The following CCDC146 variants were observed in gnomAD, a reference collection of about 807,000 sequenced individuals.
CCDC146 encodes coiled-coil domain-containing protein 146.
CCDC146 carries 92 observed loss-of-function variants against 119.3 expected under a neutral mutation model. The ratio of observed to expected loss-of-function variants is 0.77; its 90% confidence interval spans 0.65 to 0.92. The LOEUF is 0.92. Ranked by LOEUF, CCDC146 falls within the 40% of genes least tolerant of loss-of-function variation. The pLI is 0.00. For missense variants in CCDC146, 1,000 were observed against 1,103.0 expected (o/e 0.91, Z 1.32); for synonymous variants, 372 against 371.8 (o/e 1.00, Z -0.01).
At chr7:77,208,109 T>C (rs1223973888) in intron 2 of CCDC146, among the ~76,000 whole-genome samples, 1 of 152,014 alleles carries the variant, frequency 6.6e-6, no homozygotes, top group African/African-American at 2.4e-5. Context: ...TTATGCAGGG[T>C]TCAGTAAGGA....
At chr7:77,136,661 G>A (rs1790864160) in intron 1 of CCDC146, among the ~76,000 whole-genome samples, 1 of 152,102 alleles carries the variant, frequency 6.6e-6, no homozygotes, top group Non-Finnish European at 1.5e-5. Flanking sequence ...ACAAAGTTCA[G>A]ATGGGTTTAC....
chr7:77,209,416 G>A (rs748101069), intron 2 of CCDC146, among the ~76,000 whole-genome samples: 28 of 152,242 alleles, frequency 1.8e-4, no homozygotes, highest in Non-Finnish European at 2.6e-4. Context: ...AAGGCCTTGG[G>A]CAGCTCCACC....
intron 1 of CCDC146, among the ~76,000 whole-genome samples, chr7:77,152,881 T>C (rs1199150833): frequency 1.3e-5 from 2 of 152,194 alleles, no homozygotes; most frequent in East Asian, 3.8e-4. Context: ...TGACATTTAT[T>C]GAGGCCAATA....
chr7:77,279,465 TAGAA>T (rs756554574), intron 13 of CCDC146, among the ~76,000 whole-genome samples: 3 of 152,140 alleles, frequency 2.0e-5, no homozygotes, highest in Non-Finnish European at 4.4e-5. Flanking sequence ...CCTGCCCAAT[TAGAA>T]AGAAAAGCAC....
rs1791303316 is a variant in CCDC146, at chr7:77,163,926, C to T, written c.-11-3732C>T. ...CCAGGCTGGAGTACAATGGCACAATCTCGGCTCACTGCAACCTCCACCTGC... is the reference window on the plus strand; with the variant it reads ...CCAGGCTGGAGTACAATGGCACAATTTCGGCTCACTGCAACCTCCACCTGC... On this transcript the variant is annotated intron_variant, in intron 1 of 18. Transcript: ENST00000285871. Among the ~76,000 whole-genome samples the T allele has an allele frequency of 4.3e-5, 6 of 139,574 alleles. No individual in the cohort carries two copies. The South Asian group carries it at 1.3e-3, about 31-fold the overall frequency. 91.6% of individuals were successfully genotyped at this position (139,574 alleles called of 152,430 possible). A position where few individuals can be genotyped will look rare whatever the true frequency, so the allele number is the denominator to read the frequency against.
At chr7:77,127,823 T>G (rs991424110) in intron 1 of CCDC146, among the ~76,000 whole-genome samples, 1 of 152,124 alleles carries the variant, frequency 6.6e-6, no homozygotes. Context: ...ATCCCTTAAC[T>G]GTGTTTATAT....
intron 2 of CCDC146, among the ~76,000 whole-genome samples, chr7:77,185,802 A>G (rs1373231834): frequency 1.3e-5 from 2 of 152,226 alleles, no homozygotes; most frequent in Non-Finnish European, 2.9e-5. Flanking sequence ...CCTTTCAGAC[A>G]GACAATTCAA....
At chr7:77,271,910 A>G (rs1273018286) in intron 9 of CCDC146, among the ~76,000 whole-genome samples, 8 of 151,986 alleles carry the variant, frequency 5.3e-5, no homozygotes, top group Admixed American at 2.6e-4. Flanking sequence ...TGTTCTCATC[A>G]TATTTTCTGT....
intron 2 of CCDC146, chr7:77,199,654 C>T: frequency 6.2e-7 from 1 of 1,614,194 alleles, no homozygotes; most frequent in Non-Finnish European, 8.5e-7. Flanking sequence ...TTCGCATTTC[C>T]CTCTGCTTTC....
At chr7:77,167,205 A>C (rs1277142242) in intron 1 of CCDC146, among the ~76,000 whole-genome samples, 1 of 152,124 alleles carries the variant, frequency 6.6e-6, no homozygotes, top group Non-Finnish European at 1.5e-5. Context: ...AAAAATAGTA[A>C]ATTACAATAC....
At chr7:77,199,027 T>G (rs1436565013) in intron 2 of CCDC146, 1 of 666,086 alleles carries the variant, frequency 1.5e-6, no homozygotes, top group African/African-American at 1.8e-5. Flanking sequence ...TGTGGTCATA[T>G]TTGAGAAGAT....
At chr7:77,252,879 T>A (rs540265980) in intron 4 of CCDC146, among the ~76,000 whole-genome samples, 2 of 152,350 alleles carry the variant, frequency 1.3e-5, no homozygotes, top group East Asian at 3.9e-4. Flanking sequence ...TCAACATGGC[T>A]GGGGAAGACA....
At chr7:77,199,808 TC>T (rs772574101) in intron 2 of CCDC146, 2 of 1,609,952 alleles carry the variant, frequency 1.2e-6, no homozygotes, top group Non-Finnish European at 1.7e-6. Context: ...ACAGTGCTGC[TC>T]ACCCCAGCAG....
rs138407849 is a variant in CCDC146, at chr7:77,223,455, A to G, written c.157-13492A>G. Among the ~76,000 whole-genome samples, 294 of 151,860 alleles carry G rather than the reference A, an allele frequency of 1.9e-3. 2 individuals carry two copies. Among genetic ancestry groups the G allele is most frequent in the African/African-American group, 6.6e-3 (271 of 41,154 alleles). On this transcript the variant is annotated intron_variant, in intron 2 of 18. Transcript: ENST00000285871. ...CCTCACATTCCTGTTGTGGCCACCA[A>G]AGAAGGAACAAACAGCTGTGAGAGA...
intron 8 of CCDC146, 90 bp from the exon 9 acceptor site, chr7:77,262,031 T>C (rs1258784028): frequency 2.8e-6 from 3 of 1,078,876 alleles, no homozygotes; most frequent in Non-Finnish European, 4.0e-6. Context: ...TGGGAGCCAA[T>C]ATTCAGCATG....
chr7:77,248,063 T>C (rs1354906015), intron 4 of CCDC146, among the ~76,000 whole-genome samples: 2 of 152,004 alleles, frequency 1.3e-5, no homozygotes, highest in Non-Finnish European at 2.9e-5. Context: ...ATAAAGAAAA[T>C]GTGACATATA....
rs181547587 is a variant in CCDC146 at position 77,227,427 on chromosome 7, T to C, written c.157-9520T>C. ...TTCATGCCATTCTCCTGCCTCAGCC[T>C]CCCGAGTAGCTGGGACTACAGGTGC... On this transcript the variant is annotated intron_variant, in intron 2 of 18. Transcript: ENST00000285871. Among the ~76,000 whole-genome samples the C allele has an allele frequency of 7.6e-3, 1,159 of 152,296 alleles. 13 individuals are homozygous for C. Among genetic ancestry groups the C allele is most frequent in the African/African-American group, 0.026 (1,096 of 41,550 alleles).
chr7:77,182,170 C>T (rs1027045965), intron 2 of CCDC146, among the ~76,000 whole-genome samples: 2 of 152,060 alleles, frequency 1.3e-5, no homozygotes, highest in Non-Finnish European at 2.9e-5. Context: ...AGGAATTTTG[C>T]TGTCTATAAA....
At chr7:77,240,006 C>A (rs1488137557) in intron 3 of CCDC146, among the ~76,000 whole-genome samples, 10 of 152,130 alleles carry the variant, frequency 6.6e-5, no homozygotes, top group African/African-American at 2.2e-4. Context: ...TTCATAATTG[C>A]GTATGGGAAT....
Sources: gnomAD v4.1 joint callset for allele counts (sites outside exome capture counted in the v4.1 genomes callset) on GRCh38, gnomAD v4.1.1 for gene constraint, MANE v1.5 for transcripts, NCBI Gene and HGNC (gene_info 2026-07-23, HGNC 2026-07-21) for gene names.